MYO10: variants seen among roughly 807,000 people sequenced by gnomAD.
The protein encoded by MYO10 is unconventional myosin-X.
In MYO10, 133 loss-of-function variants were observed where a neutral mutation model predicts 257.3. The observed-to-expected ratio is 0.52, with a 90% CI of 0.45 to 0.60. MYO10 has a LOEUF of 0.60. MYO10 is among the 20% of genes least tolerant of loss of function. The probability of loss-of-function intolerance (pLI) is 0.00; values close to 1 mark genes in which losing one functional copy is unlikely to be tolerated. For synonymous variants in MYO10, 1,104 were observed against 1,028.6 expected, an observed-to-expected ratio of 1.07 and a Z score of -1.40; for missense variants, 2,399 against 2,635.7, an observed-to-expected ratio of 0.91 and a Z score of 1.97.
At chr5:16,808,035 A>G (rs1742328873) in intron 3 of MYO10, among the ~76,000 whole-genome samples, 1 of 152,216 alleles carries the variant, frequency 6.6e-6, no homozygotes, top group African/African-American at 2.4e-5. Flanking sequence ...GGGCGGCATC[A>G]GCATCGATAT....
intron 2 of MYO10, among the ~76,000 whole-genome samples, chr5:16,826,213 A>G (rs1392101506): frequency 1.3e-5 from 2 of 152,102 alleles, no homozygotes; most frequent in Non-Finnish European, 1.5e-5. Context: ...AGAGGCAAAC[A>G]TGGCCTTAGA....
intron 16 of MYO10, 63 bp from the exon 17 acceptor site, chr5:16,761,609 C>T (rs1740715856): frequency 8.4e-7 from 1 of 1,193,198 alleles, no homozygotes; most frequent in South Asian, 1.3e-5. Flanking sequence ...TCATAAGCAA[C>T]TTCCCTGAAA....
At chr5:16,725,813 A>C (rs1579913100) in intron 19 of MYO10, among the ~76,000 whole-genome samples, 1 of 136,946 alleles carries the variant, frequency 7.3e-6, no homozygotes, top group African/African-American at 2.9e-5. Context: ...TGTGAGGCGG[A>C]GTCTAGCTCT....
intron 2 of MYO10, among the ~76,000 whole-genome samples, chr5:16,850,560 G>T (rs1743770962): frequency 6.6e-6 from 1 of 152,194 alleles, no homozygotes; most frequent in African/African-American, 2.4e-5. Context: ...ACAGGTGTGA[G>T]CCACCATACC....
chr5:16,806,804 A>C (rs1040117781), intron 3 of MYO10, among the ~76,000 whole-genome samples: 2 of 152,172 alleles, frequency 1.3e-5, no homozygotes, highest in East Asian at 3.9e-4. Flanking sequence ...GTCAGAAGAC[A>C]CCAAGTCCAC....
intron 19 of MYO10, chr5:16,713,403 T>G (rs772890899): frequency 5.1e-4 from 499 of 985,832 alleles, no homozygotes; most frequent in Non-Finnish European, 5.7e-4. Flanking sequence ...GGAAAACAAC[T>G]GCCACACTGA....
At chr5:16,864,549 G>C (rs1744190336) in intron 2 of MYO10, among the ~76,000 whole-genome samples, 1 of 152,340 alleles carries the variant, frequency 6.6e-6, no homozygotes, top group South Asian at 2.1e-4. Flanking sequence ...AAGGAAGGCA[G>C]AAGAGACAGA....
chr5:16,778,063 G>C (rs1741276249), intron 9 of MYO10, among the ~76,000 whole-genome samples: 1 of 151,696 alleles, frequency 6.6e-6, no homozygotes, highest in Non-Finnish European at 1.5e-5. Context: ...TGTTGGCCAG[G>C]CTGGTCTTGA....
chr5:16,875,519 G>A (rs1487813946), intron 2 of MYO10, among the ~76,000 whole-genome samples: 2 of 152,162 alleles, frequency 1.3e-5, no homozygotes, highest in Non-Finnish European at 2.9e-5. Context: ...TGTCCACACT[G>A]TCAGTGACCA....
At chr5:16,691,133 G>A (rs1243764372) in intron 27 of MYO10, among the ~76,000 whole-genome samples, 5 of 151,892 alleles carry the variant, frequency 3.3e-5, no homozygotes, top group African/African-American at 1.2e-4. Flanking sequence ...AGCTGGGTGA[G>A]GTGGCAGGTA....
intron 2 of MYO10, among the ~76,000 whole-genome samples, chr5:16,839,872 T>C (rs961194836): frequency 1.3e-5 from 2 of 152,148 alleles, no homozygotes; most frequent in South Asian, 2.1e-4. Context: ...GTAGGTTAGG[T>C]GGATTAAATG....
Position 16,784,520 on chromosome 5 carries a change from G to A in MYO10, c.468-1051C>T, listed in dbSNP as rs967337053. ...ATACGGACATGAGAGAGACTTGAACGGAGAAACCCCATCCATCTGGCATAT... is the reference window on the plus strand; with the variant it reads ...ATACGGACATGAGAGAGACTTGAACAGAGAAACCCCATCCATCTGGCATAT... On this transcript the variant is annotated intron_variant, in intron 4 of 40. Coordinates refer to ENST00000513610, the MANE Select transcript of MYO10 (RefSeq NM_012334.3). Among the ~76,000 whole-genome samples, 7 of 152,180 alleles carry A rather than the reference G, an allele frequency of 4.6e-5. 1 individual carries two copies. Among genetic ancestry groups the A allele is most frequent in the South Asian group, 4.1e-4 (2 of 4,822 alleles).
intron 19 of MYO10, among the ~76,000 whole-genome samples, chr5:16,733,705 A>AAT (rs1739677284): frequency 1.3e-5 from 2 of 152,222 alleles, no homozygotes; most frequent in Non-Finnish European, 2.9e-5. Flanking sequence ...TTAAGTATAA[A>AAT]TTAGAAACAC....
intron 2 of MYO10, among the ~76,000 whole-genome samples, chr5:16,826,226 C>G (rs1312144576): frequency 1.3e-5 from 2 of 151,846 alleles, no homozygotes; most frequent in African/African-American, 4.8e-5. Context: ...GCCTTAGAAT[C>G]ATTTCTAGCT....
At chr5:16,935,384 A>C (rs1746406298) in intron 1 of MYO10, among the ~76,000 whole-genome samples, 1 of 152,220 alleles carries the variant, frequency 6.6e-6, no homozygotes, top group African/African-American at 2.4e-5. Flanking sequence ...AGGAAATACC[A>C]GACAAGACCT....
At chr5:16,760,632 A>C (rs922355044) in intron 17 of MYO10, among the ~76,000 whole-genome samples, 1 of 152,266 alleles carries the variant, frequency 6.6e-6, no homozygotes, top group South Asian at 2.1e-4. Context: ...ATTATAGCTG[A>C]ATTAAGGCAT....
chr5:16,782,281 G>A (rs1741446898), intron 5 of MYO10, among the ~76,000 whole-genome samples: 1 of 152,142 alleles, frequency 6.6e-6, no homozygotes, highest in Non-Finnish European at 1.5e-5. Context: ...TCAGGGGCCG[G>A]CAAACTTTTT....
At position 16,701,630 on chromosome 5, in the gene MYO10, C is replaced by T. The variant is rs753908030; in HGVS notation, c.2765G>A (p.Arg922Gln). The T allele has an allele frequency of 1.7e-5, 27 of 1,613,650 alleles. No homozygotes were observed. Among genetic ancestry groups the T allele is most frequent in the East Asian group, 8.9e-5 (4 of 44,848 alleles). ...CAGCCTGCGGAGCTCCTGGTCCCGC[C>T]GCTCCTGCAGCTTCTGCAGGGAAGC... ...TEASLQKLQE[R>Q]RDQELRRLEE... is the part of the protein sequence containing the mutation. The change falls in exon 25 of 41, where the codon CGG (arginine) becomes CAG (glutamine). Residue 922 changes from arginine (R) to glutamine (Q), a missense_variant. By Grantham distance (43) the Arg-to-Gln change is conservative. This residue lies in a region of MYO10 where 1,820 missense variants were observed against 1,939.4 expected (regional missense o/e 0.94). Coordinates refer to ENST00000513610, the MANE Select transcript of MYO10 (RefSeq NM_012334.3). This position sits in a 1 kb window ranked among gnomAD's most constrained non-coding sequence, Gnocchi z 8.1.
chr5:16,676,804 G>C (rs767813215), intron 33 of MYO10, among the ~76,000 whole-genome samples: 2 of 152,180 alleles, frequency 1.3e-5, no homozygotes, highest in Non-Finnish European at 2.9e-5. Flanking sequence ...AGGAGTTTGA[G>C]ACCAGCCTGG....
Sources: allele counts gnomAD v4.1 joint callset (sites outside exome capture counted in the v4.1 genomes callset), GRCh38; gene constraint gnomAD v4.1.1; regional missense constraint gnomAD v4.1.1; non-coding constraint Gnocchi (gnomAD v3.1); transcripts MANE v1.5; gene names NCBI Gene and HGNC (gene_info 2026-07-23, HGNC 2026-07-21).